The following CADPS2 variants were observed in gnomAD, a reference collection of about 807,000 sequenced individuals.
The protein encoded by CADPS2 is calcium-dependent secretion activator 2.
A neutral mutation model predicts 172.5 loss-of-function variants in CADPS2; 93 were observed. The ratio of observed to expected loss-of-function variants is 0.54; its 90% CI spans 0.46 to 0.64. The LOEUF (loss-of-function observed/expected upper bound fraction) is 0.64, where lower values mean the gene tolerates loss of function less well. CADPS2 is among the 30% of genes least tolerant of loss of function. CADPS2 has a pLI of 0.00. For missense variants in CADPS2, 1,420 were observed against 1,565.9 expected (o/e 0.91, Z 1.57); for synonymous variants, 546 against 555.2 (o/e 0.98, Z 0.23).
chr7:122,454,514 T>C (rs1306071737), intron 14 of CADPS2, among the ~76,000 whole-genome samples: 1 of 152,176 alleles, frequency 6.6e-6, no homozygotes, highest in Admixed American at 6.6e-5. Context: ...TAATGGAGTA[T>C]TTTGAATACC....
intron 7 of CADPS2, among the ~76,000 whole-genome samples, chr7:122,575,577 C>A (rs761705205): frequency 1.1e-4 from 16 of 151,872 alleles, no homozygotes; most frequent in Non-Finnish European, 2.4e-4. Flanking sequence ...GGTGGGATTA[C>A]AGGTGTGCAC....
chr7:122,799,942 T>C (rs1465738218), intron 1 of CADPS2, among the ~76,000 whole-genome samples: 1 of 152,210 alleles, frequency 6.6e-6, no homozygotes, highest in Non-Finnish European at 1.5e-5. Flanking sequence ...TTACAAGCTA[T>C]GTGACTGTTG....
Position 122,565,180 on chromosome 7 carries a change from C to A in CADPS2, c.1336-10491G>T, listed in dbSNP as rs140808966. 4.7e-3 allele frequency among the ~76,000 whole-genome samples: 707 copies of A among 151,408 alleles called. 7 individuals carry two copies. The highest frequency in any genetic ancestry group is 0.014 in the African/African-American group (572 of 41,210). On this transcript the variant is annotated intron_variant, in intron 7 of 29. Transcript: ENST00000449022. ...TAAAAGCCCAGACTTCACCGCTATG[C>A]AGTATAACCATGTAACACGACTGCA... is the stretch of plus-strand genomic sequence containing the variant.
intron 8 of CADPS2, among the ~76,000 whole-genome samples, chr7:122,539,350 C>T (rs2062663744): frequency 6.6e-6 from 1 of 152,080 alleles, no homozygotes; most frequent in Admixed American, 6.6e-5. Context: ...AGATGCTGGC[C>T]CCTTAATCTT....
intron 8 of CADPS2, among the ~76,000 whole-genome samples, chr7:122,539,244 G>A (rs573794168): frequency 8.1e-4 from 123 of 152,212 alleles, no homozygotes; most frequent in African/African-American, 2.8e-3. Flanking sequence ...TATTATGGCA[G>A]TGAGATCCTG....
intron 25 of CADPS2, among the ~76,000 whole-genome samples, chr7:122,374,013 A>C (rs1047102742): frequency 6.6e-6 from 1 of 152,164 alleles, no homozygotes; most frequent in Non-Finnish European, 1.5e-5. Context: ...ACAAAATACT[A>C]GCAAACTGAA....
At position 122,621,727 on chromosome 7, in the gene CADPS2, A is replaced by C; in HGVS notation, c.868-10T>G. The C allele has an allele frequency of 6.9e-7, 1 of 1,455,394 alleles. No homozygotes were observed. The highest frequency in any genetic ancestry group is 9.5e-7 in the Non-Finnish European group (1 of 1,054,830). The allele number at this position is 1,455,394 out of a possible 1,614,324, so 90.2% of individuals were successfully genotyped here. On this transcript the variant is annotated splice_polypyrimidine_tract_variant and intron_variant, in intron 4 of 29. Transcript: ENST00000449022. ...TGGGGAATTTTCTTTCCTTGAAAAT[A>C]ATTTTTAAAATAATAGTGTTACATA...
At position 122,570,748 on chromosome 7, in the gene CADPS2, T is replaced by C. The variant is rs531803973; in HGVS notation, c.1335+10431A>G. ...GTCCTTTATAGGGACATGGATGAAA[T>C]TGGAAATCATCATTCTCAGTAAACT... is the stretch of plus-strand genomic sequence containing the variant. On this transcript the variant is annotated intron_variant, in intron 7 of 29. Coordinates refer to ENST00000449022, the MANE Select transcript of CADPS2 (RefSeq NM_017954.11). 7.6e-3 allele frequency among the ~76,000 whole-genome samples: 1,149 copies of C among 151,890 alleles called. 19 individuals carry two copies. Among genetic ancestry groups the C allele is most frequent in the African/African-American group, 0.026 (1,088 of 41,372 alleles).
At chr7:122,441,884 G>A (rs1157606032) in intron 15 of CADPS2, among the ~76,000 whole-genome samples, 1 of 152,192 alleles carries the variant, frequency 6.6e-6, no homozygotes, top group Non-Finnish European at 1.5e-5. Context: ...TATGCATTCT[G>A]CAATAATTTC....
At chr7:122,674,094 G>C (rs1230904759) in intron 2 of CADPS2, among the ~76,000 whole-genome samples, 8 of 152,124 alleles carry the variant, frequency 5.3e-5, no homozygotes, top group Admixed American at 4.6e-4. Context: ...TACTTCCCGG[G>C]GCCAGCGGTG....
At chr7:122,427,755 G>A (rs1242500993) in intron 17 of CADPS2, among the ~76,000 whole-genome samples, 1 of 151,786 alleles carries the variant, frequency 6.6e-6, no homozygotes, top group Admixed American at 6.6e-5. Context: ...AGTTGACTTA[G>A]TTATTCAGTA....
intron 28 of CADPS2, among the ~76,000 whole-genome samples, chr7:122,327,957 A>T (rs2034198365): frequency 6.6e-6 from 1 of 152,158 alleles, no homozygotes; most frequent in South Asian, 2.1e-4. Context: ...TTATTCTATC[A>T]AATAAGAACG....
intron 2 of CADPS2, among the ~76,000 whole-genome samples, chr7:122,695,966 CAA>C (rs59273835): frequency 0.066 from 10,068 of 152,232 alleles, 379 homozygotes; most frequent in South Asian, 0.17. Flanking sequence ...GTACCCCACA[CAA>C]GAGTACACAG....
intron 8 of CADPS2, among the ~76,000 whole-genome samples, chr7:122,535,310 G>A (rs903119296): frequency 6.6e-6 from 1 of 152,046 alleles, no homozygotes. Flanking sequence ...TTATGACTCA[G>A]TGATCTTGTT....
chr7:122,544,708 T>C (rs756186245), intron 8 of CADPS2, among the ~76,000 whole-genome samples: 9 of 152,160 alleles, frequency 5.9e-5, no homozygotes, highest in Non-Finnish European at 1.3e-4. Context: ...CATGTGCTTT[T>C]TGAAGTATAT....
At chr7:122,650,539 A>G (rs2079045317) in intron 3 of CADPS2, among the ~76,000 whole-genome samples, 1 of 152,186 alleles carries the variant, frequency 6.6e-6, no homozygotes, top group South Asian at 2.1e-4. Context: ...AAAAATCTAA[A>G]AATAAATACA....
intron 20 of CADPS2, among the ~76,000 whole-genome samples, chr7:122,397,022 T>C (rs2045235330): frequency 6.6e-6 from 1 of 152,230 alleles, no homozygotes; most frequent in Non-Finnish European, 1.5e-5. Context: ...TCATACTTTG[T>C]ATAAAATATA....
At chr7:122,676,447 T>C in intron 2 of CADPS2, 1 of 376,538 alleles carries the variant, frequency 2.7e-6, no homozygotes, top group Non-Finnish European at 4.7e-6. Flanking sequence ...CCCTTCAACT[T>C]TGACATTCAT....
chr7:122,358,140 T>G (rs1251737137), intron 27 of CADPS2, among the ~76,000 whole-genome samples: 1 of 152,192 alleles, frequency 6.6e-6, no homozygotes, highest in Non-Finnish European at 1.5e-5. Context: ...ATTTTGCTGT[T>G]GCCAGTTTGT....
Sources: allele counts gnomAD v4.1 joint callset (sites outside exome capture counted in the v4.1 genomes callset), GRCh38; gene constraint gnomAD v4.1.1; transcripts MANE v1.5; gene names NCBI Gene and HGNC (gene_info 2026-07-23, HGNC 2026-07-21).